The following SMARCD3 variants were observed in gnomAD, a reference collection of about 807,000 sequenced individuals.
SMARCD3 encodes the protein SWI/SNF related BAF chromatin remodeling complex subunit D3.
SMARCD3 carries 14 observed loss-of-function variants against 58.0 expected under a neutral mutation model. The observed-to-expected ratio is 0.24, with a 90% CI of 0.16 to 0.38. SMARCD3 has a LOEUF of 0.38. SMARCD3 is among the 10% of genes least tolerant of loss of function. The pLI, the probability that SMARCD3 is intolerant of heterozygous loss-of-function variation, is 1.00. For missense variants in SMARCD3, 408 were observed against 636.9 expected (o/e 0.64, Z 3.87); for synonymous variants, 253 against 253.8 (o/e 1.00, Z 0.03).
chr7:151,268,062 C>T (rs918308354), intron 2 of SMARCD3, among the ~76,000 whole-genome samples: 2 of 152,134 alleles, frequency 1.3e-5, no homozygotes, highest in Admixed American at 6.5e-5. Context: ...GGGAGAAATG[C>T]TGGTTTGTTT....
upstream of SMARCD3, among the ~76,000 whole-genome samples, chr7:151,251,849 A>G (rs1803524486): frequency 6.8e-6 from 1 of 147,862 alleles, no homozygotes; most frequent in Non-Finnish European, 1.5e-5. Context: ...GGCCTGCGGG[A>G]CGGGCTCGGC....
rs1014775739 is a variant in SMARCD3, at chr7:151,246,022, T to G, written c.79-351A>C. The G allele has an allele frequency of 1.1e-5, 2 of 174,826 alleles. No homozygotes were observed. The highest frequency in any genetic ancestry group is 4.7e-5 in the African/African-American group (2 of 42,290). The allele number at this position is 174,826 out of a possible 1,614,324, so 10.8% of individuals were successfully genotyped here. A position where few individuals can be genotyped will look rare whatever the true frequency, so the allele number is the denominator to read the frequency against. On this transcript the variant is annotated intron_variant, in intron 1 of 12. Coordinates refer to ENST00000262188, the MANE Select transcript of SMARCD3 (RefSeq NM_001003801.2). The surrounding 1 kb of genome is among the most constrained non-coding windows in gnomAD (Gnocchi z 4.4). ...CCACATGCTCCTCTGCAAGACAGCCTGAGCAGGTCCTTTCATCCCCACTTG... is the reference window on the plus strand; with the variant it reads ...CCACATGCTCCTCTGCAAGACAGCCGGAGCAGGTCCTTTCATCCCCACTTG...
rs375307483 is a variant in SMARCD3 at position 151,242,628 on chromosome 7, G to A, written c.457-25C>T. On this transcript the variant is annotated intron_variant, in intron 4 of 12. Coordinates refer to ENST00000262188, the MANE Select transcript of SMARCD3 (RefSeq NM_001003801.2). The surrounding 1 kb of genome is among the most constrained non-coding windows in gnomAD (Gnocchi z 4.7). ...GCTGTAGAAATAGAGTGCAGAACCG[G>A]GCGAATGCTGTGTGCTCCCACCCCG... 2 of 1,612,100 alleles carry A rather than the reference G, an allele frequency of 1.2e-6. No individual in the cohort carries two copies. Among genetic ancestry groups the A allele is most frequent in the Non-Finnish European group, 1.7e-6 (2 of 1,178,256 alleles).
At chr7:151,263,302 T>C (rs1803976284) in intron 2 of SMARCD3, among the ~76,000 whole-genome samples, 1 of 151,880 alleles carries the variant, frequency 6.6e-6, no homozygotes, top group African/African-American at 2.4e-5. Context: ...GGGATCTAAA[T>C]CAAGGCCGAA....
At chr7:151,259,292 C>T (rs1480214286) in intron 2 of SMARCD3, among the ~76,000 whole-genome samples, 3 of 147,678 alleles carry the variant, frequency 2.0e-5, no homozygotes, top group Non-Finnish European at 3.0e-5. Context: ...GCAGAGGTTG[C>T]GGTGAGCTGA....
intron 2 of SMARCD3, among the ~76,000 whole-genome samples, chr7:151,273,147 A>G (rs572472898): frequency 6.6e-6 from 1 of 152,342 alleles, no homozygotes; most frequent in African/African-American, 2.4e-5. Flanking sequence ...TGCAACTCCA[A>G]GATAAGATGC....
At chr7:151,273,665 G>A (rs531162320) in intron 2 of SMARCD3, among the ~76,000 whole-genome samples, 7 of 152,382 alleles carry the variant, frequency 4.6e-5, no homozygotes, top group East Asian at 3.9e-4. Flanking sequence ...AGGGTGGGAC[G>A]TTTGCTTGGA....
At position 151,239,420 on chromosome 7, in the gene SMARCD3, G is replaced by A. The variant is rs139287814; in HGVS notation, c.1374C>T (p.Ala458=). Residue 458 remains alanine (A), a synonymous_variant, in exon 12 of 13, where the codon GCC becomes GCT. Transcript: ENST00000262188. The surrounding 1 kb of genome is among the most constrained non-coding windows in gnomAD (Gnocchi z 7.0). ...EFYHQPWSQE[A]VSRYFYCKIQ... ...CCTTGCAGTAGAAGTAGCGACTGAC[G>A]GCCTCCTGGGACCAGGGCTGGTGGT... The A allele has an allele frequency of 6.2e-4, 1,000 of 1,613,628 alleles. No homozygotes were observed. The highest frequency in any genetic ancestry group is 7.7e-4 in the Non-Finnish European group (905 of 1,179,824).
intron 2 of SMARCD3, among the ~76,000 whole-genome samples, chr7:151,244,941 G>A (rs1056867467): frequency 6.6e-5 from 10 of 152,192 alleles, no homozygotes; most frequent in African/African-American, 2.2e-4. Context: ...AGAATTAAGA[G>A]CAGGACTGGG....
chr7:151,272,641 G>A (rs1212441766), intron 2 of SMARCD3, among the ~76,000 whole-genome samples: 3 of 152,116 alleles, frequency 2.0e-5, no homozygotes, highest in Non-Finnish European at 2.9e-5. Context: ...GCCAAGAATC[G>A]GTGTCACAGC....
At chr7:151,247,372 G>A (rs1354504981) in intron 1 of SMARCD3, among the ~76,000 whole-genome samples, 1 of 151,990 alleles carries the variant, frequency 6.6e-6, no homozygotes, top group African/African-American at 2.4e-5. Flanking sequence ...GGGGTCCCTG[G>A]GGCTGGAGGA....
In SMARCD3 at chr7:151,239,201, A is replaced by G. The variant is rs1209761102; in HGVS notation, c.1399-45T>C. The G allele has an allele frequency of 6.3e-7, 1 of 1,599,798 alleles. No homozygotes were observed. Among genetic ancestry groups the G allele is most frequent in the Admixed American group, 1.7e-5 (1 of 60,004 alleles). Reference sequence around the variant, plus strand: ...AGGAGCAGGTGTCAGTGTTCTGGTGAGTGATCAGGACAATCCCACCTACTG... The same window carrying G: ...AGGAGCAGGTGTCAGTGTTCTGGTGGGTGATCAGGACAATCCCACCTACTG... On this transcript the variant is annotated intron_variant, in intron 12 of 12. Coordinates refer to ENST00000262188, the MANE Select transcript of SMARCD3 (RefSeq NM_001003801.2). This position sits in a 1 kb window ranked among gnomAD's most constrained non-coding sequence, Gnocchi z 7.0.
intron 2 of SMARCD3, among the ~76,000 whole-genome samples, chr7:151,253,957 T>G (rs1304843125): frequency 6.6e-6 from 1 of 151,544 alleles, no homozygotes; most frequent in East Asian, 2.0e-4. Context: ...CTCCTCTCCC[T>G]CCGGATCAAC....
At position 151,241,391 on chromosome 7, in the gene SMARCD3, G is replaced by T. The variant is rs1355572252; in HGVS notation, c.939+101C>A. 2.0e-6 allele frequency: 2 copies of T among 994,376 alleles called. No homozygotes were observed. Among genetic ancestry groups the T allele is most frequent in the Non-Finnish European group, 3.1e-6 (2 of 640,976 alleles). 61.6% of individuals were successfully genotyped at this position (994,376 alleles called of 1,614,324 possible). A position where few individuals can be genotyped will look rare whatever the true frequency, so the allele number is the denominator to read the frequency against. On this transcript the variant is annotated intron_variant, in intron 8 of 12. Transcript: ENST00000262188. The surrounding 1 kb of genome is among the most constrained non-coding windows in gnomAD (Gnocchi z 5.3). The stretch of plus-strand genomic sequence containing the variant: ...ACTGTGTACTGCTTCTGCTACTCAG[G>T]AATCTAGAAGGGAGGGGTGGTAGTT...
chr7:151,241,274 G>T lies in SMARCD3; in HGVS notation c.939+218C>A, dbSNP rs767933432. ...AGGGTTTCCAGGTCTTCCTAACTTG[G>T]GGGGGCTAACATGGATTGGCTGCAG... On this transcript the variant is annotated intron_variant, in intron 8 of 12. Transcript: ENST00000262188. This position sits in a 1 kb window ranked among gnomAD's most constrained non-coding sequence, Gnocchi z 5.3. 21 of 595,906 alleles carry T rather than the reference G, an allele frequency of 3.5e-5. No homozygotes were observed. Among genetic ancestry groups the T allele is most frequent in the Middle Eastern group, 5.3e-4 (2 of 3,794 alleles). The allele number at this position is 595,906 out of a possible 1,614,324, so 36.9% of individuals were successfully genotyped here. A position where few individuals can be genotyped will look rare whatever the true frequency, so the allele number is the denominator to read the frequency against.
chr7:151,241,622 G>C lies in SMARCD3; in HGVS notation c.809C>G (p.Ala270Gly), dbSNP rs759646857. 6.2e-7 allele frequency: 1 copy of C among 1,611,594 alleles called. No individual in the cohort carries two copies. The highest frequency in any genetic ancestry group is 1.1e-5 in the South Asian group (1 of 90,482). The part of the protein sequence containing the change: ...PPQFKLDPRL[A>G]RLLGLHTQSR... The stretch of plus-strand genomic sequence containing the variant: ...CTGTGTGTGCAGCCCCAGCAGCCGG[G>C]CTAGGCGGGGATCCAGTTTGAACTG... Residue 270 changes from alanine to glycine, a missense_variant, in exon 8 of 13, where the codon GCC becomes GGC. Transcript: ENST00000262188. The surrounding 1 kb of genome is among the most constrained non-coding windows in gnomAD (Gnocchi z 5.3).
Position 151,242,694 on chromosome 7 carries a change from C to T in SMARCD3, c.456+27G>A. 3 of 1,614,008 alleles carry T rather than the reference C, an allele frequency of 1.9e-6. No individual in the cohort carries two copies. The highest frequency in any genetic ancestry group is 2.5e-6 in the Non-Finnish European group (3 of 1,179,950). On this transcript the variant is annotated intron_variant, in intron 4 of 12. Coordinates refer to ENST00000262188, the MANE Select transcript of SMARCD3 (RefSeq NM_001003801.2). The surrounding 1 kb of genome is among the most constrained non-coding windows in gnomAD (Gnocchi z 4.7). ...CATCCTGGTCACACAACTCTAGAGT[C>T]CCCTTCCTACCCCCGAACTAAGGCA...
intron 2 of SMARCD3, among the ~76,000 whole-genome samples, chr7:151,261,398 A>T (rs576063785): frequency 6.6e-6 from 1 of 152,126 alleles, no homozygotes; most frequent in Non-Finnish European, 1.5e-5. Context: ...CCTTGAGTCA[A>T]TTGGTTCTGG....
chr7:151,257,413 G>A (rs1196392578), intron 2 of SMARCD3, among the ~76,000 whole-genome samples: 4 of 152,238 alleles, frequency 2.6e-5, no homozygotes, highest in Non-Finnish European at 5.9e-5. Context: ...TGCAAACTCC[G>A]CCTCCTGGGT....
Sources: allele counts gnomAD v4.1 joint callset (sites outside exome capture counted in the v4.1 genomes callset), GRCh38; gene constraint gnomAD v4.1.1; non-coding constraint Gnocchi (gnomAD v3.1); transcripts MANE v1.5; gene names NCBI Gene and HGNC (gene_info 2026-07-23, HGNC 2026-07-21).